Variants in MCMBP observed in about 807,000 individuals in gnomAD.
The protein encoded by MCMBP is minichromosome maintenance complex binding protein.
In MCMBP, 31 loss-of-function variants were observed where a neutral mutation model predicts 81.3. The observed-to-expected ratio is 0.38, with a 90% CI of 0.29 to 0.51. MCMBP has a LOEUF of 0.51. Among genes scored for constraint, MCMBP ranks in the 20% least tolerant of loss-of-function variants. MCMBP has a pLI of 0.87. For missense variants in MCMBP, 645 were observed against 772.1 expected (o/e 0.84, Z 1.95); for synonymous variants, 267 against 275.9 (o/e 0.97, Z 0.32).
Position 119,872,457 on chromosome 10 carries a change from G to GCGGGGCCCTGCCC in MCMBP, c.58+57_58+69dup, listed in dbSNP as rs1198026768. On this transcript the variant is annotated intron_variant, in intron 1 of 15. Transcript: ENST00000369077. ...GATGGTACCGCGTGGGGGCCGCGCGGCGGGGCCCTGCCCCGGGGCCCGGCA... is the reference window on the plus strand; with the variant it reads ...GATGGTACCGCGTGGGGGCCGCGCGGCGGGGCCCTGCCCCGGGGCCCTGCCCCGGGGCCCGGCA... 15 of 963,314 alleles carry GCGGGGCCCTGCCC rather than the reference G, an allele frequency of 1.6e-5. No homozygotes were observed. The African/African-American group carries it at 1.6e-4, about 10-fold the overall frequency. The allele number at this position is 963,314 out of a possible 1,614,324, so 59.7% of individuals were successfully genotyped here. A position where few individuals can be genotyped will look rare whatever the true frequency, so the allele number is the denominator to read the frequency against.
At chr10:119,849,339 A>C in intron 7 of MCMBP, 86 bp downstream of exon 7, 3 of 1,405,814 alleles carry the variant, frequency 2.1e-6, no homozygotes, top group East Asian at 4.9e-5. Flanking sequence ...GCCCAGCACA[A>C]GGGAACAAAT....
At chr10:119,857,097 C>CAAA (rs34331152) in intron 5 of MCMBP, among the ~76,000 whole-genome samples, 60 of 82,404 alleles carry the variant, frequency 7.3e-4, no homozygotes, top group African/African-American at 1.3e-3. Flanking sequence ...GTCCCTATCT[C>CAAA]AAAAAAAAAA....
intron 5 of MCMBP, among the ~76,000 whole-genome samples, chr10:119,856,094 T>C (rs1015810869): frequency 1.3e-5 from 2 of 151,986 alleles, no homozygotes; most frequent in African/African-American, 4.8e-5. Context: ...TGGTGGCGTG[T>C]GCCTGTAGTC....
At chr10:119,842,735 C>G in intron 9 of MCMBP, 140 bp from the exon 10 acceptor site, 1 of 879,380 alleles carries the variant, frequency 1.1e-6, no homozygotes, top group Non-Finnish European at 1.6e-6. Flanking sequence ...GTAAGTGATG[C>G]TAATCTTAAA....
chr10:119,865,665 A>G (rs938768883), intron 1 of MCMBP, among the ~76,000 whole-genome samples: 11 of 152,224 alleles, frequency 7.2e-5, no homozygotes, highest in African/African-American at 2.2e-4. Flanking sequence ...CTTGTACATG[A>G]ATGTTTATAG....
chr10:119,845,438 G>A (rs1002609511), intron 8 of MCMBP, among the ~76,000 whole-genome samples: 2 of 152,040 alleles, frequency 1.3e-5, no homozygotes, highest in African/African-American at 4.8e-5. Flanking sequence ...AAGTGTAAGA[G>A]TATATATACC....
chr10:119,852,139 C>T (rs1411039171), intron 6 of MCMBP, among the ~76,000 whole-genome samples: 12 of 109,870 alleles, frequency 1.1e-4, no homozygotes, highest in Non-Finnish European at 1.7e-4. Context: ...GCAACAAGAG[C>T]GAAACTCTGT....
chr10:119,838,885 A>T (rs1485714187), intron 11 of MCMBP, among the ~76,000 whole-genome samples, 185 bp from the exon 12 acceptor site: 1 of 152,212 alleles, frequency 6.6e-6, no homozygotes, highest in Non-Finnish European at 1.5e-5. Context: ...TTTGAATTTC[A>T]TCCATTTTAT....
At chr10:119,852,356 T>C (rs1431749088) in intron 6 of MCMBP, among the ~76,000 whole-genome samples, 1 of 151,976 alleles carries the variant, frequency 6.6e-6, no homozygotes, top group African/African-American at 2.4e-5. Flanking sequence ...ATACCCACCA[T>C]AACAAAGAAA....
At chr10:119,841,294 T>C (rs1852423822) in intron 10 of MCMBP, among the ~76,000 whole-genome samples, 5 of 152,186 alleles carry the variant, frequency 3.3e-5, no homozygotes. Context: ...AAATGGAAGC[T>C]GACAGAGCTG....
chr10:119,852,984 T>C (rs1373096737), intron 6 of MCMBP, 66 bp downstream of exon 6: 3 of 1,575,744 alleles, frequency 1.9e-6, no homozygotes, highest in Admixed American at 1.7e-5. Flanking sequence ...TATGTAACAA[T>C]TCACTCTGAA....
chr10:119,853,108 G>A lies in MCMBP; in HGVS notation c.516C>T (p.Asp172=), dbSNP rs765203487. Residue 172 remains aspartate (D), a synonymous_variant, in exon 6 of 16, where the codon GAC becomes GAT. Transcript: ENST00000369077. ...GCTTATTGGGCTGTAGGTCCATATC[G>A]TCATCATCTTCATAACTCCTCTTGT... ...SRHKRSYEDD[D]DMDLQPNKQK... 7.4e-6 allele frequency: 12 copies of A among 1,614,176 alleles called. No homozygotes were observed. The highest frequency in any genetic ancestry group is 3.3e-4 in the Middle Eastern group (2 of 6,062).
chr10:119,852,153 A>C (rs1042932296), intron 6 of MCMBP, among the ~76,000 whole-genome samples: 3 of 19,982 alleles, frequency 1.5e-4, no homozygotes, highest in African/African-American at 5.5e-4. Flanking sequence ...ACTCTGTCTC[A>C]AAAAAAAAAA....
chr10:119,830,639 A>G lies in MCMBP; in HGVS notation c.*835T>C, dbSNP rs967828370. On this transcript the variant is annotated 3_prime_UTR_variant, in exon 16 of 16. Coordinates refer to ENST00000369077, the MANE Select transcript of MCMBP (RefSeq NM_001256378.2). Reference sequence around the variant, plus strand: ...TGGTTCTCAAATGCACTGGGATAGGAGAAAATAAAGACAATGTAGTGTCTT... The same window carrying G: ...TGGTTCTCAAATGCACTGGGATAGGGGAAAATAAAGACAATGTAGTGTCTT... 1 of 152,530 alleles carries G rather than the reference A, an allele frequency of 6.6e-6. No individual in the cohort carries two copies. The highest frequency in any genetic ancestry group is 1.5e-5 in the Non-Finnish European group (1 of 68,036). The allele number at this position is 152,530 out of a possible 1,614,324, so 9.4% of individuals were successfully genotyped here. A position where few individuals can be genotyped will look rare whatever the true frequency, so the allele number is the denominator to read the frequency against.
chr10:119,866,215 A>G (rs992704651), intron 1 of MCMBP, among the ~76,000 whole-genome samples: 1 of 152,230 alleles, frequency 6.6e-6, no homozygotes, highest in Non-Finnish European at 1.5e-5. Flanking sequence ...TTCCACCTAC[A>G]CGAAACGTCC....
intron 5 of MCMBP, among the ~76,000 whole-genome samples, chr10:119,855,318 T>C (rs187568461): frequency 2.4e-4 from 37 of 152,354 alleles, no homozygotes; most frequent in Non-Finnish European, 4.6e-4. Context: ...ATAGCTTTAG[T>C]TGCTAACATT....
chr10:119,837,064 C>T (rs903342954), intron 12 of MCMBP, 35 bp from the exon 13 acceptor site: 1 of 1,605,696 alleles, frequency 6.2e-7, no homozygotes. Context: ...AGTCATTTGA[C>T]TTTAATCATC....
rs111837774 is a variant in MCMBP at position 119,853,195 on chromosome 10, G to A, written c.430-1C>T. 4 of 1,611,082 alleles carry A rather than the reference G, an allele frequency of 2.5e-6. No homozygotes were observed. Among genetic ancestry groups the A allele is most frequent in the South Asian group, 1.1e-5 (1 of 90,540 alleles). On this transcript the variant is annotated splice_acceptor_variant, in intron 5 of 15. Transcript: ENST00000369077. LOFTEE classifies it high-confidence loss of function. Reference sequence around the variant, plus strand: ...GAGCTTGGTTTGCATTAACATAGGCGTTAAACGAAAAGTTAAGAAAAGACT... The same window carrying A: ...GAGCTTGGTTTGCATTAACATAGGCATTAAACGAAAAGTTAAGAAAAGACT...
chr10:119,871,043 T>C (rs571732486), intron 1 of MCMBP, among the ~76,000 whole-genome samples: 39 of 152,366 alleles, frequency 2.6e-4, no homozygotes, highest in Non-Finnish European at 5.0e-4. Flanking sequence ...AATCATCTCA[T>C]TTATCCAGCA....
Sources: allele counts gnomAD v4.1 joint callset (sites outside exome capture counted in the v4.1 genomes callset), GRCh38; gene constraint gnomAD v4.1.1; transcripts MANE v1.5; gene names NCBI Gene and HGNC (gene_info 2026-07-23, HGNC 2026-07-21).